The following COG3 variants were observed in gnomAD, a reference collection of about 807,000 sequenced individuals.
COG3 encodes the protein component of oligomeric golgi complex 3, also known as conserved oligomeric Golgi complex subunit 3.
Under a neutral mutation model 114.1 loss-of-function variants are expected in COG3, and 32 were observed. The ratio of observed to expected loss-of-function variants is 0.28; its 90% CI spans 0.21 to 0.38. The LOEUF (loss-of-function observed/expected upper bound fraction) is 0.38, where lower values mean the gene tolerates loss of function less well. Among genes scored for constraint, COG3 ranks in the 10% least tolerant of loss-of-function variants. The probability of loss-of-function intolerance (pLI) is 1.00; values close to 1 mark genes in which losing one functional copy is unlikely to be tolerated. For missense variants in COG3, 813 were observed against 973.2 expected (o/e 0.84, Z 2.19); for synonymous variants, 352 against 365.7 (o/e 0.96, Z 0.43).
chr13:45,511,858 T>C lies in COG3; in HGVS notation c.1809+4T>C, dbSNP rs370613370. 30 of 1,606,272 alleles carry C rather than the reference T, an allele frequency of 1.9e-5. No individual in the cohort carries two copies. Among genetic ancestry groups the C allele is most frequent in the Non-Finnish European group, 2.4e-5 (28 of 1,172,992 alleles). On this transcript the variant is annotated splice_donor_region_variant and intron_variant, in intron 16 of 22. Coordinates refer to ENST00000349995, the MANE Select transcript of COG3 (RefSeq NM_031431.4). ...AGAGTCTATCAGCAAAAACAAGGTTTGATGAAGTGTTAGGTGAAATCCTGT... is the reference window on the plus strand; with the variant it reads ...AGAGTCTATCAGCAAAAACAAGGTTCGATGAAGTGTTAGGTGAAATCCTGT...
At chr13:45,510,577 A>G (rs947449371) in intron 15 of COG3, among the ~76,000 whole-genome samples, 1 of 152,216 alleles carries the variant, frequency 6.6e-6, no homozygotes, top group African/African-American at 2.4e-5. Context: ...GGCATATTCC[A>G]CATAGAACCC....
chr13:45,495,372 C>T (rs1184002002), intron 12 of COG3, among the ~76,000 whole-genome samples: 1 of 151,686 alleles, frequency 6.6e-6, no homozygotes, highest in Admixed American at 6.6e-5. Flanking sequence ...TTGATGGCAT[C>T]TTTTTTATTT....
chr13:45,493,572 C>A (rs556256863), intron 12 of COG3, 86 bp downstream of exon 12: 1 of 1,169,346 alleles, frequency 8.6e-7, no homozygotes, highest in East Asian at 2.4e-5. Flanking sequence ...CCTCACCCCA[C>A]TAAATAGATA....
At chr13:45,465,310 C>A in intron 1 of COG3, 100 bp downstream of exon 1, 1 of 1,462,474 alleles carries the variant, frequency 6.8e-7, no homozygotes, top group Non-Finnish European at 9.1e-7. Context: ...CCCAGGATAT[C>A]TCTCCACTCC....
At chr13:45,521,994 G>T (rs1177306103) in intron 19 of COG3, among the ~76,000 whole-genome samples, 2 of 151,878 alleles carry the variant, frequency 1.3e-5, no homozygotes, top group African/African-American at 2.4e-5. Flanking sequence ...TTGTAGAGAC[G>T]GGGTTTCACC....
intron 7 of COG3, among the ~76,000 whole-genome samples, chr13:45,485,237 C>G (rs1301926451): frequency 2.2e-4 from 22 of 101,916 alleles, no homozygotes; most frequent in South Asian, 3.8e-4. Flanking sequence ...GGGGCTGACC[C>G]CCCCCACCTC....
intron 8 of COG3, among the ~76,000 whole-genome samples, chr13:45,487,599 G>T (rs1287420295): frequency 6.6e-6 from 1 of 152,162 alleles, no homozygotes; most frequent in Non-Finnish European, 1.5e-5. Context: ...TTTCTCAAAA[G>T]GAGACTATAC....
chr13:45,529,226 A>G (rs1478501301), intron 20 of COG3, among the ~76,000 whole-genome samples: 1 of 152,134 alleles, frequency 6.6e-6, no homozygotes, highest in Non-Finnish European at 1.5e-5. Context: ...CTCCTTTTCT[A>G]TGTAACTCCT....
intron 2 of COG3, 83 bp downstream of exon 2, chr13:45,476,430 C>T (rs550070782): frequency 7.3e-7 from 1 of 1,360,892 alleles, no homozygotes; most frequent in Admixed American, 2.0e-5. Context: ...ATTAAAAGTT[C>T]TGAACATTTG....
intron 19 of COG3, among the ~76,000 whole-genome samples, chr13:45,521,185 G>A (rs1566270709): frequency 2.0e-5 from 3 of 152,140 alleles, no homozygotes; most frequent in Non-Finnish European, 4.4e-5. Flanking sequence ...GGAAATAGAG[G>A]TTTATGTAGA....
intron 13 of COG3, among the ~76,000 whole-genome samples, chr13:45,501,683 G>T (rs1044713575): frequency 2.6e-5 from 4 of 152,128 alleles, no homozygotes; most frequent in African/African-American, 9.7e-5. Context: ...TGCTACAGGG[G>T]TATTGTTGCT....
chr13:45,517,844 A>G lies in COG3; in HGVS notation c.1931-918A>G, dbSNP rs529642459. 6.2e-5 allele frequency among the ~76,000 whole-genome samples: 8 copies of G among 128,238 alleles called. No homozygotes were observed. In the South Asian group the frequency reaches 2.0e-3, roughly 31 times the overall value. 84.1% of individuals were successfully genotyped at this position (128,238 alleles called of 152,430 possible). The stretch of plus-strand genomic sequence containing the variant: ...TGCTGCTTGGTTCTAGTGTAGATCA[A>G]CTGAGGTGAGAGAAAGTGAAATATC... On this transcript the variant is annotated intron_variant, in intron 17 of 22. Coordinates refer to ENST00000349995, the MANE Select transcript of COG3 (RefSeq NM_031431.4).
chr13:45,465,312 C>T (rs1885066211), intron 1 of COG3, 102 bp downstream of exon 1: 1 of 1,460,930 alleles, frequency 6.8e-7, no homozygotes. Context: ...CAGGATATCT[C>T]TCCACTCCTC....
In COG3 at chr13:45,479,080, T is replaced by C. The variant is rs767805848; in HGVS notation, c.383+14T>C. ...AACTAAATATAGGTATGTGTGTCTC[T>C]TGCATTTGTTGAATATCTTAATTTT... is the stretch of plus-strand genomic sequence containing the variant. On this transcript the variant is annotated intron_variant, in intron 3 of 22. Transcript: ENST00000349995. 1.5e-5 allele frequency: 24 copies of C among 1,563,776 alleles called. No individual in the cohort carries two copies. Among genetic ancestry groups the C allele is most frequent in the Non-Finnish European group, 1.9e-5 (22 of 1,145,844 alleles).
chr13:45,477,347 TA>T (rs1885934089), intron 2 of COG3, among the ~76,000 whole-genome samples: 1 of 152,202 alleles, frequency 6.6e-6, no homozygotes, highest in Non-Finnish European at 1.5e-5. Flanking sequence ...ATGAAACTCG[TA>T]CCTGTTCTCT....
At chr13:45,530,457 G>T (rs1006430095) in intron 21 of COG3, among the ~76,000 whole-genome samples, 2 of 152,162 alleles carry the variant, frequency 1.3e-5, no homozygotes, top group Admixed American at 6.5e-5. Context: ...TCTCTGGGGG[G>T]ACAAGGCTCG....
intron 17 of COG3, 124 bp from the exon 18 acceptor site, chr13:45,518,638 G>A: frequency 3.0e-6 from 2 of 658,592 alleles, no homozygotes; most frequent in Admixed American, 2.7e-5. Flanking sequence ...AGCCTTTCAT[G>A]GAGGTGAGTT....
chr13:45,485,237 C>T (rs1301926451), intron 7 of COG3, among the ~76,000 whole-genome samples: 1 of 101,894 alleles, frequency 9.8e-6, no homozygotes, highest in African/African-American at 4.5e-5. Flanking sequence ...GGGGCTGACC[C>T]CCCCCACCTC....
chr13:45,504,390 A>G (rs559932520), intron 14 of COG3, among the ~76,000 whole-genome samples: 10 of 152,288 alleles, frequency 6.6e-5, no homozygotes, highest in East Asian at 1.9e-4. Context: ...TCTTGGTCCT[A>G]GTATACCTCT....
Sources: gnomAD v4.1 joint callset for allele counts (sites outside exome capture counted in the v4.1 genomes callset) on GRCh38, gnomAD v4.1.1 for gene constraint, MANE v1.5 for transcripts, NCBI Gene and HGNC (gene_info 2026-07-23, HGNC 2026-07-21) for gene names.